Variants in SFI1 observed in about 807,000 individuals in gnomAD.
SFI1 encodes SFI1 centrin binding protein.
Under a neutral mutation model 207.5 loss-of-function variants are expected in SFI1, and 195 were observed. The ratio of observed to expected loss-of-function variants is 0.94; its 90% CI spans 0.84 to 1.06. The LOEUF is 1.06. Among genes scored for constraint, SFI1 ranks in the 50% least tolerant of loss-of-function variants. The probability of loss-of-function intolerance (pLI) is 0.00; values close to 1 mark genes in which losing one functional copy is unlikely to be tolerated. For synonymous variants in SFI1, 630 were observed against 598.9 expected (o/e 1.05, Z -0.76); for missense variants, 1,634 against 1,588.0 (o/e 1.03, Z -0.49).
chr22:31,582,666 A>G (rs775012820), intron 12 of SFI1, among the ~76,000 whole-genome samples: 1 of 151,994 alleles, frequency 6.6e-6, no homozygotes, highest in Non-Finnish European at 1.5e-5. Flanking sequence ...CATCATCACT[A>G]TTCATCTCTA....
At chr22:31,593,332 C>T (rs1029840828) in intron 15 of SFI1, among the ~76,000 whole-genome samples, 1 of 137,748 alleles carries the variant, frequency 7.3e-6, no homozygotes, top group African/African-American at 2.8e-5. Flanking sequence ...CTCGGCCGGG[C>T]AGAGGCGCTC....
intron 6 of SFI1, among the ~76,000 whole-genome samples, chr22:31,551,977 A>C (rs944000044): frequency 6.6e-6 from 1 of 152,234 alleles, no homozygotes; most frequent in African/African-American, 2.4e-5. Context: ...CTACCCAAAT[A>C]GTGAACGTTG....
chr22:31,552,491 A>G (rs972904527), intron 6 of SFI1, among the ~76,000 whole-genome samples: 3 of 152,102 alleles, frequency 2.0e-5, no homozygotes, highest in African/African-American at 7.2e-5. Context: ...GACCTCAGTG[A>G]TCTGCCTGCC....
chr22:31,509,925 A>G (rs1251108803), intron 2 of SFI1, among the ~76,000 whole-genome samples: 1 of 151,546 alleles, frequency 6.6e-6, no homozygotes, highest in Non-Finnish European at 1.5e-5. Context: ...TTATTTATTT[A>G]TTTATTTATT....
intron 2 of SFI1, among the ~76,000 whole-genome samples, chr22:31,515,544 C>CTG (rs34222417): frequency 1.2e-3 from 178 of 146,474 alleles, no homozygotes; most frequent in African/African-American, 2.8e-3. Flanking sequence ...GTGCCTGGCT[C>CTG]TGTGTGTGTG....
At chr22:31,540,583 A>ATTTT (rs755660066) in intron 4 of SFI1, among the ~76,000 whole-genome samples, 1 of 132,316 alleles carries the variant, frequency 7.6e-6, no homozygotes, top group Non-Finnish European at 1.6e-5. Context: ...CCCAGCCTAC[A>ATTTT]TTTTTTTTTT....
intron 1 of SFI1, among the ~76,000 whole-genome samples, chr22:31,499,984 TAAA>T (rs77752661): frequency 1.7e-5 from 2 of 117,804 alleles, no homozygotes; most frequent in South Asian, 2.8e-4. Flanking sequence ...GACTCCATCT[TAAA>T]AAAAAAAAAA....
intron 4 of SFI1, among the ~76,000 whole-genome samples, chr22:31,536,518 TCTC>T (rs2059008519): frequency 1.3e-5 from 2 of 152,178 alleles, no homozygotes; most frequent in South Asian, 4.1e-4. Flanking sequence ...CTCAAGCAAT[TCTC>T]CTGCCTCCGC....
chr22:31,575,122 G>GTGT, intron 9 of SFI1, 109 bp from the exon 10 acceptor site: 1 of 632,296 alleles, frequency 1.6e-6, no homozygotes, highest in Non-Finnish European at 2.5e-6. Context: ...GTGTGTGTGT[G>GTGT]GCCTTGAACC....
Position 31,614,823 on chromosome 22 carries a change from C to T in SFI1, c.3031C>T (p.Arg1011Cys), listed in dbSNP as rs779686770. Residue 1011 changes from arginine (R) to cysteine (C), a missense_variant, in exon 28 of 33, where the codon CGC becomes TGC. Physicochemically the swap from Arg to Cys is radical, Grantham distance 180. Transcript: ENST00000400288. ...CCACTCAGCGAGGAAGCAGCCGCGA[C>T]GCCCACACTTCCTGTTGGAGCCTGC... ...TAHSARKQPR[R>C]PHFLLEPAQS... The T allele has an allele frequency of 1.7e-5, 28 of 1,613,804 alleles. No homozygotes were observed. Among genetic ancestry groups the T allele is most frequent in the African/African-American group, 9.3e-5 (7 of 74,946 alleles).
intron 15 of SFI1, among the ~76,000 whole-genome samples, chr22:31,598,739 T>TTTTTTTTTTTATG (rs2067590115): frequency 7.7e-6 from 1 of 129,924 alleles, no homozygotes; most frequent in Non-Finnish European, 1.6e-5. Flanking sequence ...TTTTTTTTTT[T>TTTTTTTTTTTATG]GATGAGCAGA....
chr22:31,613,591 CTG>C lies in SFI1; in HGVS notation c.2743-7_2743-6del. ...GGGTGTGGCATGAGCTGACCAGAGG[CTG>C]TGTTGTAGGCGGCTCACAGTCTCCA... is the stretch of plus-strand genomic sequence containing the variant. On this transcript the variant is annotated splice_polypyrimidine_tract_variant and intron_variant, in intron 26 of 32. Coordinates refer to ENST00000400288, the MANE Select transcript of SFI1 (RefSeq NM_001007467.3). 1 of 1,578,046 alleles carries C rather than the reference CTG, an allele frequency of 6.3e-7. No individual in the cohort carries two copies. Among genetic ancestry groups the C allele is most frequent in the Non-Finnish European group, 8.6e-7 (1 of 1,159,882 alleles).
chr22:31,597,011 G>A (rs5753719), intron 15 of SFI1, among the ~76,000 whole-genome samples: 613 of 4,332 alleles, frequency 0.14, 17 homozygotes, highest in Middle Eastern at 0.36. Context: ...ACGCACACAC[G>A]GTACCCGTTT....
chr22:31,516,371 G>A (rs557679828), intron 2 of SFI1, among the ~76,000 whole-genome samples: 1 of 151,236 alleles, frequency 6.6e-6, no homozygotes, highest in African/African-American at 2.4e-5. Context: ...AAATTAGCTG[G>A]GTATTGTGGT....
chr22:31,522,766 T>G (rs993142441), intron 2 of SFI1, among the ~76,000 whole-genome samples: 2 of 151,680 alleles, frequency 1.3e-5, no homozygotes, highest in African/African-American at 2.4e-5. Context: ...AGCGATTCTC[T>G]TGCCTCAGCC....
chr22:31,559,547 G>C, intron 7 of SFI1: 1 of 592,944 alleles, frequency 1.7e-6, no homozygotes, highest in East Asian at 3.3e-5. Flanking sequence ...AACATCAACG[G>C]GCAGCAGAAA....
chr22:31,550,521 G>A, intron 6 of SFI1, 173 bp downstream of exon 6: 1 of 577,856 alleles, frequency 1.7e-6, no homozygotes, highest in South Asian at 2.2e-5. Context: ...GCACCTGTAT[G>A]ATTGATCCCT....
In SFI1 at chr22:31,612,853, C is replaced by T. The variant is rs148153421; in HGVS notation, c.2491-289C>T. Reference sequence around the variant, plus strand: ...CCACACGTCCCCAGCTCCCTCTTCCCGTTCTGTTGTCCTGTTTTCACCATT... The same window carrying T: ...CCACACGTCCCCAGCTCCCTCTTCCTGTTCTGTTGTCCTGTTTTCACCATT... On this transcript the variant is annotated intron_variant, in intron 24 of 32. Coordinates refer to ENST00000400288, the MANE Select transcript of SFI1 (RefSeq NM_001007467.3). The T allele has an allele frequency of 1.6e-3, 682 of 437,376 alleles. 4 individuals carry two copies. The highest frequency in any genetic ancestry group is 4.3e-3 in the Middle Eastern group (7 of 1,616). The allele number at this position is 437,376 out of a possible 1,614,324, so 27.1% of individuals were successfully genotyped here. A position where few individuals can be genotyped will look rare whatever the true frequency, so the allele number is the denominator to read the frequency against.
intron 4 of SFI1, among the ~76,000 whole-genome samples, chr22:31,542,632 A>AAT (rs1302519400): frequency 3.3e-5 from 5 of 151,842 alleles, no homozygotes; most frequent in Non-Finnish European, 5.9e-5. Context: ...CTGTCTCAAA[A>AAT]ATATATATAT....
Sources: gnomAD v4.1 joint callset for allele counts (sites outside exome capture counted in the v4.1 genomes callset) on GRCh38, gnomAD v4.1.1 for gene constraint, MANE v1.5 for transcripts, NCBI Gene and HGNC (gene_info 2026-07-23, HGNC 2026-07-21) for gene names.